Variants in REXO1 observed in about 807,000 individuals in gnomAD.
The protein encoded by REXO1 is RNA exonuclease 1 homolog, also known as REX1, RNA exonuclease 1 homolog.
Under a neutral mutation model 102.6 loss-of-function variants are expected in REXO1, and 42 were observed. The observed-to-expected ratio is 0.41, with a 90% CI of 0.32 to 0.53. The LOEUF (loss-of-function observed/expected upper bound fraction) is 0.53, where lower values mean the gene tolerates loss of function less well. Ranked by LOEUF, REXO1 falls within the 20% of genes least tolerant of loss-of-function variation. The probability of loss-of-function intolerance (pLI) is 0.27; values close to 1 mark genes in which losing one functional copy is unlikely to be tolerated. For synonymous variants in REXO1, 908 were observed against 779.1 expected (o/e 1.17, Z -2.76); for missense variants, 1,819 against 1,732.5 (o/e 1.05, Z -0.89).
chr19:1,846,720 T>C (rs1268977313), intron 1 of REXO1, among the ~76,000 whole-genome samples: 2 of 151,990 alleles, frequency 1.3e-5, no homozygotes, highest in African/African-American at 2.4e-5. Context: ...CGAGACCCTA[T>C]CTCCACGAAA....
In REXO1 at chr19:1,816,715, G is replaced by C; in HGVS notation, c.3300C>G (p.Ile1100Met). The change falls in exon 13 of 16, where the codon ATC becomes ATG. Residue 1100 changes from isoleucine to methionine, a missense_variant. Coordinates refer to ENST00000170168, the MANE Select transcript of REXO1 (RefSeq NM_020695.4). ...YDTFVKPDNE[I>M]VDYNTRFSGV... ...GGCCACACCTGGTGTTGTAGTCCAC[G>C]ATCTCGTTGTCAGGCTTCACGAAGG... is the stretch of plus-strand genomic sequence containing the variant. 2 of 1,612,748 alleles carry C rather than the reference G, an allele frequency of 1.2e-6. No individual in the cohort carries two copies. The highest frequency in any genetic ancestry group is 8.5e-7 in the Non-Finnish European group (1 of 1,179,818).
At chr19:1,835,987 G>C (rs568840879) in intron 1 of REXO1, among the ~76,000 whole-genome samples, 1 of 152,210 alleles carries the variant, frequency 6.6e-6, no homozygotes, top group Non-Finnish European at 1.5e-5. Context: ...GCCCCGGGAC[G>C]GGCTGGATGA....
At chr19:1,835,562 A>G in intron 1 of REXO1, among the ~76,000 whole-genome samples, 1 of 151,734 alleles carries the variant, frequency 6.6e-6, no homozygotes, top group East Asian at 1.9e-4. Flanking sequence ...ATACATACAT[A>G]CATACACACA....
intron 1 of REXO1, among the ~76,000 whole-genome samples, chr19:1,843,027 C>A (rs1359207243): frequency 2.0e-5 from 3 of 152,206 alleles, no homozygotes; most frequent in Non-Finnish European, 4.4e-5. Flanking sequence ...TTCCTCTAAC[C>A]CCCTCCACAC....
In REXO1 at chr19:1,815,792, T is replaced by A. The variant is rs1256590821; in HGVS notation, c.*274A>T. 1 of 1,432,782 alleles carries A rather than the reference T, an allele frequency of 7.0e-7. No homozygotes were observed. The highest frequency in any genetic ancestry group is 9.2e-7 in the Non-Finnish European group (1 of 1,087,476). 88.8% of individuals were successfully genotyped at this position (1,432,782 alleles called of 1,614,324 possible). ...GGGGCAGGAGGGGCTGCGGGCCGGGTGGGGGCGGGCTCTGTCCTGGTCTCC... is the reference window on the plus strand; with the variant it reads ...GGGGCAGGAGGGGCTGCGGGCCGGGAGGGGGCGGGCTCTGTCCTGGTCTCC... On this transcript the variant is annotated 3_prime_UTR_variant, in exon 16 of 16. Transcript: ENST00000170168. This position sits in a 1 kb window ranked among gnomAD's most constrained non-coding sequence, Gnocchi z 4.0.
intron 1 of REXO1, among the ~76,000 whole-genome samples, chr19:1,841,307 C>T (rs1000777255): frequency 5.9e-5 from 9 of 152,368 alleles, no homozygotes; most frequent in Admixed American, 2.6e-4. Flanking sequence ...AAGCCACGGC[C>T]GGGCGCACCC....
chr19:1,840,877 G>A (rs1370328454), intron 1 of REXO1, among the ~76,000 whole-genome samples: 1 of 152,214 alleles, frequency 6.6e-6, no homozygotes, highest in Non-Finnish European at 1.5e-5. Flanking sequence ...CTGAAGTCCT[G>A]TGGTGTGTGT....
At chr19:1,843,509 A>G (rs1339525785) in intron 1 of REXO1, among the ~76,000 whole-genome samples, 1 of 152,178 alleles carries the variant, frequency 6.6e-6, no homozygotes, top group Admixed American at 6.5e-5. Flanking sequence ...TCTGGCCCCC[A>G]GTGTCCCTAG....
Position 1,826,976 on chromosome 19 carries a change from CCTT to C in REXO1, c.1810_1812del (p.Lys604del). 6.4e-6 allele frequency: 10 copies of C among 1,566,530 alleles called. 1 individual carries two copies. Among genetic ancestry groups the C allele is most frequent in the Non-Finnish European group, 6.9e-6 (8 of 1,156,622 alleles). ...ATGGGGTCGGAGTCAAAGTCCACCT[CCTT>C]CTCCAGGGCCGAGTAGTCCACATCC... On this transcript the variant is annotated inframe_deletion, in exon 2 of 16. Coordinates refer to ENST00000170168, the MANE Select transcript of REXO1 (RefSeq NM_020695.4). The surrounding 1 kb of genome is among the most constrained non-coding windows in gnomAD (Gnocchi z 4.3).
intron 1 of REXO1, among the ~76,000 whole-genome samples, chr19:1,832,328 A>T (rs567876264): frequency 5.9e-5 from 9 of 152,304 alleles, no homozygotes; most frequent in African/African-American, 1.4e-4. Context: ...GCTGAGAGAG[A>T]GTGTGCTGCT....
intron 1 of REXO1, among the ~76,000 whole-genome samples, chr19:1,841,884 A>C (rs1316440246): frequency 6.6e-6 from 1 of 152,172 alleles, no homozygotes; most frequent in Non-Finnish European, 1.5e-5. Flanking sequence ...CTCTCCCTAC[A>C]GGCAGAGCGC....
chr19:1,847,833 G>A (rs2011618918), intron 1 of REXO1, among the ~76,000 whole-genome samples: 1 of 152,248 alleles, frequency 6.6e-6, no homozygotes, highest in African/African-American at 2.4e-5. Context: ...GGAAGCGGCG[G>A]GCGCCAATCA....
At chr19:1,843,062 G>A (rs2011364529) in intron 1 of REXO1, among the ~76,000 whole-genome samples, 1 of 152,178 alleles carries the variant, frequency 6.6e-6, no homozygotes, top group South Asian at 2.1e-4. Context: ...TCACGGGGCA[G>A]CAGAGCCACC....
At chr19:1,841,724 CGCTCTGGGG>C (rs1568718407) in intron 1 of REXO1, among the ~76,000 whole-genome samples, 13 of 151,766 alleles carry the variant, frequency 8.6e-5, no homozygotes, top group African/African-American at 2.9e-4. Context: ...CTGGGGGGAG[CGCTCTGGGG>C]AGCGGCTCAG....
chr19:1,825,917 C>T lies in REXO1; in HGVS notation c.1938G>A (p.Glu646=), dbSNP rs1426728444. The part of the protein sequence containing the change: ...RQPPKEEKSE[E]KGLSGLTTLF... ...GAGTGGTCAGACCCGAAAGCCCCTT[C>T]TCCTCACTCTTCTCTTCCTTGGGGG... The change falls in exon 3 of 16, where the codon GAG becomes GAA. Residue 646 remains glutamate, a synonymous_variant. Transcript: ENST00000170168. The T allele has an allele frequency of 2.5e-6, 4 of 1,602,530 alleles. No homozygotes were observed. Among genetic ancestry groups the T allele is most frequent in the Non-Finnish European group, 3.4e-6 (4 of 1,176,676 alleles).
chr19:1,823,738 CG>C lies in REXO1; in HGVS notation c.2063del (p.Pro688ArgfsTer83). 2.4e-6 allele frequency: 3 copies of C among 1,263,392 alleles called. No individual in the cohort carries two copies. The highest frequency in any genetic ancestry group is 3.6e-5 in the South Asian group (1 of 27,450). The allele number at this position is 1,263,392 out of a possible 1,614,324, so 78.3% of individuals were successfully genotyped here. A position where few individuals can be genotyped will look rare whatever the true frequency, so the allele number is the denominator to read the frequency against. On this transcript the variant is annotated frameshift_variant, in exon 4 of 16. Coordinates refer to ENST00000170168, the MANE Select transcript of REXO1 (RefSeq NM_020695.4). LOFTEE classifies it high-confidence loss of function. ...GCAGGTAGCACACCTCCTGCGCCGT[CG>C]GGGGCCGGGCCGGGGGCACCGCGGG... The part of the protein sequence containing the change: ...RGPAVPPARP[P>X]TAQEVCYLRA...
At position 1,815,660 on chromosome 19, in the gene REXO1, C is replaced by A. The variant is rs920475987; in HGVS notation, c.*406G>T. The A allele has an allele frequency of 8.2e-7, 1 of 1,224,148 alleles. No homozygotes were observed. The highest frequency in any genetic ancestry group is 1.5e-5 in the African/African-American group (1 of 64,570). The allele number at this position is 1,224,148 out of a possible 1,614,324, so 75.8% of individuals were successfully genotyped here. ...ATTAAAAATAATAAAAATAACAATA[C>A]AAAATAAAAAAAGACTGTCTCAAAC... On this transcript the variant is annotated 3_prime_UTR_variant, in exon 16 of 16. Transcript: ENST00000170168. The surrounding 1 kb of genome is among the most constrained non-coding windows in gnomAD (Gnocchi z 4.0).
Position 1,825,943 on chromosome 19 carries a change from G to C in REXO1, c.1912C>G (p.Pro638Ala). The C allele has an allele frequency of 6.2e-7, 1 of 1,607,176 alleles. No individual in the cohort carries two copies. The highest frequency in any genetic ancestry group is 1.3e-5 in the African/African-American group (1 of 74,790). ...TCCTCACTCTTCTCTTCCTTGGGGGGCTAAGACACATGTCCGTCCGTCAGC... is the reference window on the plus strand; with the variant it reads ...TCCTCACTCTTCTCTTCCTTGGGGGCCTAAGACACATGTCCGTCCGTCAGC... ...TEDRGRLARQ[P>A]PKEEKSEEKG... The change falls in exon 3 of 16, where the codon CCC (proline) becomes GCC (alanine). Residue 638 changes from proline to alanine, a missense_variant and splice_region_variant. Coordinates refer to ENST00000170168, the MANE Select transcript of REXO1 (RefSeq NM_020695.4).
In REXO1 at chr19:1,828,218, T is replaced by C. The variant is rs1306970270; in HGVS notation, c.571A>G (p.Arg191Gly). 1.2e-6 allele frequency: 2 copies of C among 1,606,028 alleles called. No homozygotes were observed. Among genetic ancestry groups the C allele is most frequent in the Admixed American group, 1.7e-5 (1 of 58,656 alleles). Reference protein sequence around the residue: ...SLASLDRGQGRGGGGGGALEY... With the variant: ...SLASLDRGQGGGGGGGGALEY... The stretch of plus-strand genomic sequence containing the variant: ...AGGGCACCGCCACCCCCTCCACCTC[T>C]GCCCTGACCCCTGTCCAGGGACGCC... Residue 191 changes from arginine to glycine, a missense_variant, in exon 2 of 16, where the codon AGA becomes GGA. Coordinates refer to ENST00000170168, the MANE Select transcript of REXO1 (RefSeq NM_020695.4).
Sources: gnomAD v4.1 joint callset for allele counts (sites outside exome capture counted in the v4.1 genomes callset) on GRCh38, gnomAD v4.1.1 for gene constraint, Gnocchi (gnomAD v3.1) non-coding constraint, MANE v1.5 for transcripts, NCBI Gene and HGNC (gene_info 2026-07-23, HGNC 2026-07-21) for gene names.